Variants in WDR75 observed in about 807,000 individuals in gnomAD.
WDR75 encodes the protein WD repeat domain 75.
In WDR75, 52 loss-of-function variants were observed where a neutral mutation model predicts 106.1. That is an observed-to-expected ratio of 0.49 (90% CI 0.39 to 0.62). The LOEUF (loss-of-function observed/expected upper bound fraction) is 0.62, where lower values mean the gene tolerates loss of function less well. Among genes scored for constraint, WDR75 ranks in the 20% least tolerant of loss-of-function variants. The pLI is 0.00. For missense variants in WDR75, 905 were observed against 970.3 expected (o/e 0.93, Z 0.89); for synonymous variants, 333 against 335.5 (o/e 0.99, Z 0.08).
chr2:189,468,610 T>TA, intron 15 of WDR75, 41 bp downstream of exon 15: 1 of 1,595,540 alleles, frequency 6.3e-7, no homozygotes, highest in Non-Finnish European at 8.6e-7. Context: ...GCAAAGCGCA[T>TA]AAGGAGTTGA....
chr2:189,458,871 TG>T lies in WDR75; in HGVS notation c.689+1del. 1 of 1,600,886 alleles carries T rather than the reference TG, an allele frequency of 6.2e-7. No homozygotes were observed. The highest frequency in any genetic ancestry group is 1.1e-5 in the South Asian group (1 of 87,762). ...TCACATGGATGGCAAAATTCGTCTT[TG>T]GTCAGTTTGCTCATGAAGAGCATGG... ...SGHMDGKIRL[W>X]RNFYDDKKYT... On this transcript the variant is annotated frameshift_variant and splice_region_variant, in exon 7 of 21. Coordinates refer to ENST00000314761, the MANE Select transcript of WDR75 (RefSeq NM_032168.3). LOFTEE classifies it high-confidence loss of function.
intron 12 of WDR75, among the ~76,000 whole-genome samples, chr2:189,465,469 C>T (rs1357498595): frequency 6.6e-6 from 1 of 152,002 alleles, no homozygotes; most frequent in Non-Finnish European, 1.5e-5. Flanking sequence ...AATAAAGAAA[C>T]ATGGAAAAGT....
In WDR75 at chr2:189,463,738, C is replaced by A; in HGVS notation, c.982C>A (p.Gln328Lys). The part of the protein sequence containing the change: ...HRNLEASAVI[Q>K]GLVKDRSIFT... ...AAACCTTGAAGCATCCGCAGTAATTCAAGGCCTAGTGAAAGGTATTGCAGA... is the reference window on the plus strand; with the variant it reads ...AAACCTTGAAGCATCCGCAGTAATTAAAGGCCTAGTGAAAGGTATTGCAGA... Residue 328 changes from glutamine (Q) to lysine (K), a missense_variant, in exon 10 of 21, where the codon CAA becomes AAA. By Grantham distance (53) the Gln-to-Lys change is moderately conservative. Transcript: ENST00000314761. The A allele has an allele frequency of 6.2e-7, 1 of 1,613,776 alleles. No homozygotes were observed. The highest frequency in any genetic ancestry group is 8.5e-7 in the Non-Finnish European group (1 of 1,179,788).
Position 189,463,882 on chromosome 2 carries a change from G to A in WDR75, c.1034G>A (p.Arg345Lys), listed in dbSNP as rs920267434. 1 of 1,613,872 alleles carries A rather than the reference G, an allele frequency of 6.2e-7. No homozygotes were observed. Among genetic ancestry groups the A allele is most frequent in the East Asian group, 2.2e-5 (1 of 44,864 alleles). ...TTCACTGGTTTGATGATTGATCCAA[G>A]AACTAAAGCTTTGGTTTTGAATGGA... ...SIFTGLMIDP[R>K]TKALVLNGKP... The change falls in exon 11 of 21, where the codon AGA becomes AAA. Residue 345 changes from arginine to lysine, a missense_variant. Arg to Lys is a conservative substitution (Grantham distance 26). Transcript: ENST00000314761.
intron 1 of WDR75, among the ~76,000 whole-genome samples, chr2:189,442,207 A>G (rs1266753766): frequency 6.6e-6 from 1 of 152,066 alleles, no homozygotes; most frequent in Non-Finnish European, 1.5e-5. Context: ...GGGGGACAAT[A>G]TTTAGTTCAT....
At chr2:189,474,512 G>T (rs546592279) in intron 19 of WDR75, among the ~76,000 whole-genome samples, 180 bp downstream of exon 19, 1 of 152,272 alleles carries the variant, frequency 6.6e-6, no homozygotes, top group Non-Finnish European at 1.5e-5. Context: ...TCCTGGACCT[G>T]GTGTAGGGAT....
At chr2:189,460,558 G>A (rs1276966332) in intron 8 of WDR75, among the ~76,000 whole-genome samples, 1 of 150,906 alleles carries the variant, frequency 6.6e-6, no homozygotes, top group African/African-American at 2.5e-5. Context: ...AAGCTGGAGT[G>A]CAGTGGCACC....
intron 2 of WDR75, chr2:189,449,549 A>G (rs1012529948): frequency 3.7e-6 from 4 of 1,068,886 alleles, no homozygotes; most frequent in Non-Finnish European, 1.1e-6. Flanking sequence ...AAAAAAACGT[A>G]TACACAATTC....
At position 189,466,714 on chromosome 2, in the gene WDR75, AAT is replaced by A. The variant is rs1234283223; in HGVS notation, c.1447+134_1447+135del. 22 of 917,076 alleles carry A rather than the reference AAT, an allele frequency of 2.4e-5. No homozygotes were observed. The Admixed American group carries it at 7.3e-4, about 30-fold the overall frequency. The allele number at this position is 917,076 out of a possible 1,614,324, so 56.8% of individuals were successfully genotyped here. Reference sequence around the variant, plus strand: ...ATTCTACAGGATATTGCTTAATCTTAATAGATTTAAGAGATTACATTTTACAT... The same window carrying A: ...ATTCTACAGGATATTGCTTAATCTTAAGATTTAAGAGATTACATTTTACAT... On this transcript the variant is annotated intron_variant, in intron 13 of 20. Transcript: ENST00000314761.
intron 12 of WDR75, among the ~76,000 whole-genome samples, chr2:189,466,023 T>G (rs565305882): frequency 6.6e-6 from 1 of 152,306 alleles, no homozygotes; most frequent in East Asian, 1.9e-4. Context: ...CTGTCTATTT[T>G]TCCTTGCCCC....
At chr2:189,445,938 A>G (rs1287473618) in intron 1 of WDR75, among the ~76,000 whole-genome samples, 1 of 152,222 alleles carries the variant, frequency 6.6e-6, no homozygotes, top group African/African-American at 2.4e-5. Flanking sequence ...AATTGAAGCC[A>G]TTGTTCTATG....
chr2:189,450,288 A>C, intron 2 of WDR75: 1 of 985,614 alleles, frequency 1.0e-6, no homozygotes, highest in Non-Finnish European at 1.2e-6. Flanking sequence ...TTTGGCTAAT[A>C]AAACTGAGTA....
chr2:189,446,895 G>T (rs1686509952), intron 1 of WDR75, among the ~76,000 whole-genome samples: 1 of 152,084 alleles, frequency 6.6e-6, no homozygotes, highest in Admixed American at 6.6e-5. Context: ...GTAAAATAAG[G>T]GTTACTTGAA....
In WDR75 at chr2:189,474,769, T is replaced by C. The variant is rs1687179641; in HGVS notation, c.2249T>C (p.Met750Thr). The C allele has an allele frequency of 1.2e-6, 2 of 1,614,108 alleles. No homozygotes were observed. Among genetic ancestry groups the C allele is most frequent in the African/African-American group, 1.3e-5 (1 of 75,052 alleles). ...CCATCTGCTGCTTTCCTGTGCTCCA[T>C]GTTTGTAAATTCATTGCTGCTGTCT... ...VLPSAAFLCS[M>T]FVNSLLLSKE... Residue 750 changes from methionine (M) to threonine (T), a missense_variant, in exon 20 of 21, where the codon ATG becomes ACG. Met to Thr is a moderately conservative substitution (Grantham distance 81). Transcript: ENST00000314761.
chr2:189,449,250 G>T (rs1686565590), intron 2 of WDR75: 11 of 1,303,012 alleles, frequency 8.4e-6, no homozygotes, highest in Non-Finnish European at 1.1e-5. Context: ...ATTAGTCACA[G>T]CCAACTTGGA....
rs759567231 is a variant in WDR75, at chr2:189,467,529, CTG to C, written c.1511_1512del (p.Cys504LeufsTer12). ...GTTATCACAAGTATCAAGCAACTAA[CTG>C]TTGTTTCTCCGAAGATGGTTCTTTA... ...GSYHKYQATN[C>X]CFSEDGSLLA... On this transcript the variant is annotated frameshift_variant, in exon 14 of 21. Coordinates refer to ENST00000314761, the MANE Select transcript of WDR75 (RefSeq NM_032168.3). LOFTEE classifies it high-confidence loss of function. 1.2e-6 allele frequency: 2 copies of C among 1,610,948 alleles called. No homozygotes were observed. The highest frequency in any genetic ancestry group is 1.1e-5 in the South Asian group (1 of 90,424).
chr2:189,459,526 A>T (rs1399449392), intron 8 of WDR75, 102 bp downstream of exon 8: 1 of 1,105,052 alleles, frequency 9.0e-7, no homozygotes, highest in East Asian at 2.4e-5. Flanking sequence ...TGCATGAGCC[A>T]AATGAATTCC....
intron 1 of WDR75, among the ~76,000 whole-genome samples, 195 bp from the exon 2 acceptor site, chr2:189,448,184 T>C (rs1481289442): frequency 1.3e-5 from 2 of 152,184 alleles, no homozygotes; most frequent in Admixed American, 6.5e-5. Context: ...GGTAAGGTTT[T>C]GAATGAGATA....
At chr2:189,459,114 A>AGACT (rs1455848962) in intron 7 of WDR75, among the ~76,000 whole-genome samples, 2 of 152,246 alleles carry the variant, frequency 1.3e-5, no homozygotes, top group Non-Finnish European at 2.9e-5. Context: ...CAAAAAGGAA[A>AGACT]GACTGACAAT....
Sources: allele counts gnomAD v4.1 joint callset (sites outside exome capture counted in the v4.1 genomes callset), GRCh38; gene constraint gnomAD v4.1.1; transcripts MANE v1.5; gene names NCBI Gene and HGNC (gene_info 2026-07-23, HGNC 2026-07-21).